Variants in PTPRT observed in about 807,000 individuals in gnomAD.
PTPRT encodes the protein receptor-type tyrosine-protein phosphatase T.
PTPRT carries 56 observed loss-of-function variants against 176.8 expected under a neutral mutation model. The ratio of observed to expected loss-of-function variants is 0.32; its 90% CI spans 0.26 to 0.40. PTPRT has a LOEUF of 0.40. PTPRT is among the 10% of genes least tolerant of loss of function. PTPRT has a pLI of 1.00. For missense variants in PTPRT, 1,540 were observed against 1,908.2 expected (o/e 0.81, Z 3.60); for synonymous variants, 783 against 739.0 (o/e 1.06, Z -0.96).
chr20:42,847,562 A>T (rs538611014), intron 2 of PTPRT, among the ~76,000 whole-genome samples: 3 of 152,322 alleles, frequency 2.0e-5, no homozygotes, highest in Admixed American at 1.3e-4. Context: ...ATGTTGCTCC[A>T]TCCATGGGCA....
At position 42,077,438 on chromosome 20, in the gene PTPRT, C is replaced by CTGT. The variant is rs1982884223; in HGVS notation, c.*3438_*3440dup. The CTGT allele has an allele frequency of 4.5e-6, 1 of 224,232 alleles. No individual in the cohort carries two copies. Among genetic ancestry groups the CTGT allele is most frequent in the South Asian group, 1.8e-4 (1 of 5,480 alleles). 13.9% of individuals were successfully genotyped at this position (224,232 alleles called of 1,614,324 possible). ...GCCCACATCTATGAGGTAAGAGCTCCTGTTGTAAAGACTCAGAGAGCATTA... is the reference window on the plus strand; with the variant it reads ...GCCCACATCTATGAGGTAAGAGCTCCTGTTGTTGTAAAGACTCAGAGAGCATTA... On this transcript the variant is annotated 3_prime_UTR_variant, in exon 31 of 31. Transcript: ENST00000373187.
intron 9 of PTPRT, among the ~76,000 whole-genome samples, chr20:42,372,461 T>G (rs2058599234): frequency 6.6e-6 from 1 of 151,896 alleles, no homozygotes; most frequent in Admixed American, 6.6e-5. Flanking sequence ...ATTTGTATAT[T>G]TTCAGTAGAG....
chr20:42,998,946 C>T (rs1984375772), intron 1 of PTPRT, among the ~76,000 whole-genome samples: 1 of 152,190 alleles, frequency 6.6e-6, no homozygotes, highest in Non-Finnish European at 1.5e-5. Flanking sequence ...GGGAGAGATG[C>T]TACAGCCACC....
intron 1 of PTPRT, among the ~76,000 whole-genome samples, chr20:43,165,159 T>A (rs2014822111): frequency 8.3e-6 from 1 of 120,432 alleles, no homozygotes; most frequent in Non-Finnish European, 1.9e-5. Context: ...TGCACATACT[T>A]TTTTTTTTTT....
At chr20:42,841,107 T>C (rs1600818103) in intron 2 of PTPRT, among the ~76,000 whole-genome samples, 2 of 152,138 alleles carry the variant, frequency 1.3e-5, no homozygotes, top group African/African-American at 4.8e-5. Context: ...ACCCCACTGC[T>C]AGCTGGGGCT....
intron 7 of PTPRT, among the ~76,000 whole-genome samples, chr20:42,558,754 C>T (rs1335967604): frequency 6.6e-6 from 1 of 152,130 alleles, no homozygotes; most frequent in Non-Finnish European, 1.5e-5. Context: ...GAATATTGCA[C>T]TGATGTAACC....
At chr20:42,172,226 C>A (rs1990108060) in intron 16 of PTPRT, among the ~76,000 whole-genome samples, 1 of 151,800 alleles carries the variant, frequency 6.6e-6, no homozygotes, top group Non-Finnish European at 1.5e-5. Context: ...TATATAAGAA[C>A]AGACATGGAA....
At chr20:42,738,299 G>A (rs749834990) in intron 6 of PTPRT, among the ~76,000 whole-genome samples, 5 of 152,064 alleles carry the variant, frequency 3.3e-5, no homozygotes, top group African/African-American at 4.8e-5. Context: ...ATCACTTAAG[G>A]GCAGGAGTTT....
rs543064005 is a variant in PTPRT, at chr20:42,381,464, A to G, written c.1561-29179T>C. Reference sequence around the variant, plus strand: ...CTGTGTGACTGCTCCCTGTTGACCCATGATGGACGTGTCATACAGGTGAGA... The same window carrying G: ...CTGTGTGACTGCTCCCTGTTGACCCGTGATGGACGTGTCATACAGGTGAGA... On this transcript the variant is annotated intron_variant, in intron 9 of 30. Coordinates refer to ENST00000373187, the MANE Select transcript of PTPRT (RefSeq NM_007050.6). Among the ~76,000 whole-genome samples the G allele has an allele frequency of 7.2e-5, 11 of 152,334 alleles. No homozygotes were observed. In the East Asian group the frequency reaches 2.1e-3, roughly 29 times the overall value.
At chr20:42,497,114 C>T (rs1249522601) in intron 7 of PTPRT, among the ~76,000 whole-genome samples, 1 of 152,166 alleles carries the variant, frequency 6.6e-6, no homozygotes, top group East Asian at 1.9e-4. Flanking sequence ...CTTGTACAAT[C>T]AGAAGTCTAG....
Position 42,098,455 on chromosome 20 carries a change from G to C in PTPRT, c.3812C>G (p.Ser1271Cys). 1 of 1,614,194 alleles carries C rather than the reference G, an allele frequency of 6.2e-7. No homozygotes were observed. Residue 1271 changes from serine to cysteine, a missense_variant, in exon 27 of 31, where the codon TCT (serine) becomes TGT (cysteine). By Grantham distance (112) the Ser-to-Cys change is moderately radical (BLOSUM62 -1). Coordinates refer to ENST00000373187, the MANE Select transcript of PTPRT (RefSeq NM_007050.6). ...WRLVFDYNCS[S>C]VVMLNEMDTA... ...GTCCATCTCATTCAGCATCACCACAGAGGAGCAGTTGTAATCGAACACCAG... is the reference window on the plus strand; with the variant it reads ...GTCCATCTCATTCAGCATCACCACACAGGAGCAGTTGTAATCGAACACCAG...
chr20:42,987,883 C>T (rs1449360261), intron 1 of PTPRT, among the ~76,000 whole-genome samples: 1 of 152,214 alleles, frequency 6.6e-6, no homozygotes, highest in African/African-American at 2.4e-5. Context: ...TGGGGATCCT[C>T]CTCCATGCTC....
intron 11 of PTPRT, among the ~76,000 whole-genome samples, chr20:42,326,140 T>C (rs1387668781): frequency 1.3e-5 from 2 of 152,184 alleles, no homozygotes; most frequent in Non-Finnish European, 2.9e-5. Flanking sequence ...GCACTGCAAA[T>C]GTCAACCTTC....
At chr20:42,104,961 A>G (rs1986292682) in intron 24 of PTPRT, among the ~76,000 whole-genome samples, 1 of 151,886 alleles carries the variant, frequency 6.6e-6, no homozygotes, top group South Asian at 2.1e-4. Context: ...AAAATGAGAA[A>G]CTTCTAGACA....
At chr20:42,736,477 T>G (rs971111285) in intron 6 of PTPRT, among the ~76,000 whole-genome samples, 1 of 152,234 alleles carries the variant, frequency 6.6e-6, no homozygotes, top group Non-Finnish European at 1.5e-5. Context: ...GCCCACAATG[T>G]GCCAAGCACC....
rs201162919 is a variant in PTPRT at position 42,104,665 on chromosome 20, G to T, written c.3444C>A (p.Asn1148Lys). The change falls in exon 25 of 31, where the codon AAC becomes AAA. Residue 1148 changes from asparagine (N) to lysine (K), a missense_variant. By Grantham distance (94) the Asn-to-Lys change is moderately conservative. This residue lies in a region of PTPRT where 248 missense variants were observed against 356.7 expected (regional missense o/e 0.70). Coordinates refer to ENST00000373187, the MANE Select transcript of PTPRT (RefSeq NM_007050.6). ...DAILEACLCGNTAIPVCEFRS... is the reference protein window; with the variant it reads ...DAILEACLCGKTAIPVCEFRS... ...GGAACTCACACACAGGGATGGCAGT[G>T]TTGCCACAGAGGCACGCTTCCAGGA... The T allele has an allele frequency of 1.4e-3, 2,236 of 1,595,382 alleles. 3 individuals are homozygous for T. The highest frequency in any genetic ancestry group is 1.7e-3 in the Non-Finnish European group (2,022 of 1,162,910).
intron 27 of PTPRT, among the ~76,000 whole-genome samples, chr20:42,086,558 G>C (rs1284426244): frequency 6.6e-6 from 1 of 150,530 alleles, no homozygotes; most frequent in East Asian, 2.0e-4. Context: ...TTTTCACCAC[G>C]CAAATCATCA....
intron 8 of PTPRT, among the ~76,000 whole-genome samples, chr20:42,465,573 T>C (rs1225485334): frequency 3.3e-5 from 5 of 152,212 alleles, no homozygotes; most frequent in African/African-American, 1.2e-4. Flanking sequence ...ATATCAATTA[T>C]GCTACCTTTT....
chr20:43,083,939 G>A (rs185901074), intron 1 of PTPRT, among the ~76,000 whole-genome samples: 85 of 152,276 alleles, frequency 5.6e-4, no homozygotes, highest in East Asian at 1.7e-3. Context: ...ATGTTTCTGA[G>A]GTTCATACAT....
Sources: gnomAD v4.1 joint callset for allele counts (sites outside exome capture counted in the v4.1 genomes callset) on GRCh38, gnomAD v4.1.1 for gene constraint, gnomAD v4.1.1 regional missense constraint, MANE v1.5 for transcripts, NCBI Gene and HGNC (gene_info 2026-07-23, HGNC 2026-07-21) for gene names.